The following JAK2 variants were observed in gnomAD, a reference collection of about 807,000 sequenced individuals.
JAK2 encodes the protein tyrosine-protein kinase JAK2.
JAK2 carries 86 observed loss-of-function variants against 139.3 expected under a neutral mutation model. That is an observed-to-expected ratio of 0.62 (90% CI 0.52 to 0.74). JAK2 has a LOEUF of 0.74. Ranked by LOEUF, JAK2 falls within the 30% of genes least tolerant of loss-of-function variation. JAK2 has a pLI of 0.00. For missense variants in JAK2, 1,421 were observed against 1,360.3 expected (o/e 1.04, Z -0.70); for synonymous variants, 490 against 437.7 (o/e 1.12, Z -1.49).
intron 22 of JAK2, chr9:5,108,847 C>A (rs1822196966): frequency 6.6e-6 from 1 of 152,166 alleles, no homozygotes; most frequent in Admixed American, 6.5e-5. Context: ...TGAAGCTTTA[C>A]AGGTGCCGTC....
At chr9:5,111,361 C>A in intron 22 of JAK2, 1 of 410,240 alleles carries the variant, frequency 2.4e-6, no homozygotes, top group South Asian at 2.0e-5. Flanking sequence ...CGGTACTACC[C>A]CTCCTACGCC....
chr9:5,077,821 T>C (rs1195241908), intron 15 of JAK2, among the ~76,000 whole-genome samples: 2 of 152,238 alleles, frequency 1.3e-5, no homozygotes, highest in East Asian at 3.8e-4. Context: ...ACAATCTGTA[T>C]GTTGTGTCTT....
At chr9:5,041,291 C>T (rs1816487408) in intron 4 of JAK2, 4 of 960,460 alleles carry the variant, frequency 4.2e-6, no homozygotes, top group Non-Finnish European at 6.5e-6. Context: ...GTACACTGGT[C>T]TCAGGACCAA....
At position 5,129,485 on chromosome 9, in the gene JAK2, C is replaced by T. The variant is rs750215004; in HGVS notation, c.*2694C>T. ...CTGAAATTATTTCTCATGAAAGTTT[C>T]TCTAATATTTCTAATGAAAGTTTCT... is the stretch of plus-strand genomic sequence containing the variant. On this transcript the variant is annotated 3_prime_UTR_variant, in exon 25 of 25. Coordinates refer to ENST00000381652, the MANE Select transcript of JAK2 (RefSeq NM_004972.4). Among the ~76,000 whole-genome samples, 2 of 152,004 alleles carry T rather than the reference C, an allele frequency of 1.3e-5. No homozygotes were observed. The highest frequency in any genetic ancestry group is 6.6e-5 in the Admixed American group (1 of 15,264).
At chr9:5,014,117 T>C (rs965306292) in intron 2 of JAK2, among the ~76,000 whole-genome samples, 1 of 151,960 alleles carries the variant, frequency 6.6e-6, no homozygotes, top group Non-Finnish European at 1.5e-5. Context: ...TTTTTGAGTG[T>C]ATGTGTACAG....
chr9:5,065,073 G>A, intron 9 of JAK2, 33 bp downstream of exon 9: 1 of 1,405,334 alleles, frequency 7.1e-7, no homozygotes, highest in Non-Finnish European at 9.6e-7. Flanking sequence ...TAAATTTTTA[G>A]AAAAGTAAAT....
intron 2 of JAK2, among the ~76,000 whole-genome samples, chr9:4,992,474 G>A (rs905252086): frequency 1.3e-5 from 2 of 152,090 alleles, no homozygotes; most frequent in Non-Finnish European, 2.9e-5. Flanking sequence ...TAGTGTTATG[G>A]CCATCTTTGG....
chr9:5,030,577 A>G (rs186713225), intron 4 of JAK2, among the ~76,000 whole-genome samples: 285 of 152,248 alleles, frequency 1.9e-3, no homozygotes, highest in Non-Finnish European at 1.5e-3. Flanking sequence ...ATATTACTCA[A>G]ATTTATTCAT....
At chr9:5,024,690 C>T (rs902831654) in intron 3 of JAK2, among the ~76,000 whole-genome samples, 2 of 152,082 alleles carry the variant, frequency 1.3e-5, no homozygotes, top group African/African-American at 2.4e-5. Flanking sequence ...GACCTCTGCC[C>T]CAGATAGCAA....
At chr9:5,004,201 A>C (rs1256565244) in intron 2 of JAK2, among the ~76,000 whole-genome samples, 2 of 152,132 alleles carry the variant, frequency 1.3e-5, no homozygotes, top group African/African-American at 2.4e-5. Context: ...ATTGGTAATC[A>C]CCATGATGTA....
intron 19 of JAK2, chr9:5,085,610 A>G: frequency 1.4e-6 from 1 of 700,004 alleles, no homozygotes; most frequent in Non-Finnish European, 2.7e-6. Flanking sequence ...GAAAGAATTA[A>G]ATCTCCAGCA....
At chr9:5,095,139 C>T (rs755087771) in intron 22 of JAK2, 9 of 151,786 alleles carry the variant, frequency 5.9e-5, no homozygotes, top group Non-Finnish European at 1.2e-4. Context: ...TCCATGCTAC[C>T]TATTAAACCA....
chr9:4,997,193 A>G (rs1820623516), intron 2 of JAK2, among the ~76,000 whole-genome samples: 2 of 151,772 alleles, frequency 1.3e-5, no homozygotes, highest in African/African-American at 2.4e-5. Flanking sequence ...CAGCCTCCCA[A>G]AGTGCTGGGA....
At chr9:5,035,025 C>T (rs1048303959) in intron 4 of JAK2, among the ~76,000 whole-genome samples, 1 of 152,112 alleles carries the variant, frequency 6.6e-6, no homozygotes, top group Middle Eastern at 3.4e-3. Context: ...GAATCAAATA[C>T]ATGCAATAAA....
chr9:5,054,541 G>T lies in JAK2; in HGVS notation c.615-22G>T. 2 of 1,527,576 alleles carry T rather than the reference G, an allele frequency of 1.3e-6. No individual in the cohort carries two copies. The allele number at this position is 1,527,576 out of a possible 1,614,324, so 94.6% of individuals were successfully genotyped here. ...AATTTTTGTTTTGTTTTGTTTTTCT[G>T]TATGTGCTTTTTTATCCCTAGCTAC... On this transcript the variant is annotated intron_variant, in intron 6 of 24. Transcript: ENST00000381652. The surrounding 1 kb of genome is among the most constrained non-coding windows in gnomAD (Gnocchi z 4.9).
intron 4 of JAK2, among the ~76,000 whole-genome samples, chr9:5,039,049 C>T (rs1057411547): frequency 6.6e-6 from 1 of 152,086 alleles, no homozygotes; most frequent in Non-Finnish European, 1.5e-5. Context: ...AAAGTAATGT[C>T]ATACTTATTA....
chr9:5,062,058 G>A (rs1384949808), intron 8 of JAK2, among the ~76,000 whole-genome samples: 1 of 152,130 alleles, frequency 6.6e-6, no homozygotes, highest in African/African-American at 2.4e-5. Flanking sequence ...GGCCCAGTGT[G>A]TGGTGCCCCA....
chr9:5,006,416 T>C (rs950225941), intron 2 of JAK2, among the ~76,000 whole-genome samples: 1 of 152,172 alleles, frequency 6.6e-6, no homozygotes, highest in Non-Finnish European at 1.5e-5. Flanking sequence ...TTTCTAGATA[T>C]ACAATCATGG....
intron 22 of JAK2, among the ~76,000 whole-genome samples, chr9:5,103,739 A>G (rs1025388661): frequency 6.6e-6 from 1 of 152,212 alleles, no homozygotes; most frequent in African/African-American, 2.4e-5. Context: ...AGTGCAATCA[A>G]ATTAGAACTC....
Sources: allele counts gnomAD v4.1 joint callset (sites outside exome capture counted in the v4.1 genomes callset), GRCh38; gene constraint gnomAD v4.1.1; non-coding constraint Gnocchi (gnomAD v3.1); transcripts MANE v1.5; gene names NCBI Gene and HGNC (gene_info 2026-07-23, HGNC 2026-07-21).